The following TSHZ2 variants were observed in gnomAD, a reference collection of about 807,000 sequenced individuals.
The protein encoded by TSHZ2 is teashirt homolog 2.
In TSHZ2, 21 loss-of-function variants were observed where a neutral mutation model predicts 74.4. The observed-to-expected ratio is 0.28, with a 90% CI of 0.20 to 0.41. The LOEUF (loss-of-function observed/expected upper bound fraction) is 0.41, where lower values mean the gene tolerates loss of function less well. Ranked by LOEUF, TSHZ2 falls within the 10% of genes least tolerant of loss-of-function variation. The pLI, the probability that TSHZ2 is intolerant of heterozygous loss-of-function variation, is 1.00. For missense variants in TSHZ2, 1,244 were observed against 1,293.5 expected (o/e 0.96, Z 0.59); for synonymous variants, 540 against 515.3 (o/e 1.05, Z -0.65).
chr20:53,101,135 G>A (rs1478727920), intron 1 of TSHZ2, among the ~76,000 whole-genome samples: 3 of 152,016 alleles, frequency 2.0e-5, no homozygotes, highest in African/African-American at 7.2e-5. Context: ...GGACATCTGT[G>A]GTCTCTGCTT....
intron 2 of TSHZ2, among the ~76,000 whole-genome samples, chr20:53,269,355 G>T (rs1990782681): frequency 6.6e-6 from 1 of 152,118 alleles, no homozygotes; most frequent in Admixed American, 6.5e-5. Flanking sequence ...GCTCTGGGAG[G>T]GGTGGGGGGG....
chr20:53,007,871 T>TA (rs1328668013), intron 1 of TSHZ2, among the ~76,000 whole-genome samples: 1 of 152,080 alleles, frequency 6.6e-6, no homozygotes, highest in Non-Finnish European at 1.5e-5. Flanking sequence ...TAAAATAATT[T>TA]AAAAAATAAT....
At chr20:53,376,934 A>T (rs1365709463) in intron 2 of TSHZ2, among the ~76,000 whole-genome samples, 2 of 152,268 alleles carry the variant, frequency 1.3e-5, no homozygotes, top group African/African-American at 4.8e-5. Context: ...GCCTAGGCCA[A>T]ATTCAAAAAG....
intron 2 of TSHZ2, among the ~76,000 whole-genome samples, chr20:53,479,142 G>A (rs1486025952): frequency 3.3e-5 from 5 of 150,572 alleles, no homozygotes; most frequent in African/African-American, 7.4e-5. Context: ...TCCAGCCTGG[G>A]CAACAGGGCA....
intron 1 of TSHZ2, among the ~76,000 whole-genome samples, chr20:52,996,877 G>A (rs1028829697): frequency 6.6e-6 from 1 of 152,242 alleles, no homozygotes; most frequent in Admixed American, 6.5e-5. Flanking sequence ...AATACTCTGT[G>A]GAAAACATTC....
intron 2 of TSHZ2, among the ~76,000 whole-genome samples, chr20:53,292,447 A>ATTTTTT (rs149635565): frequency 1.4e-5 from 2 of 141,424 alleles, no homozygotes; most frequent in African/African-American, 5.1e-5. Flanking sequence ...CAAACCACCT[A>ATTTTTT]TTTTTTTTTT....
At position 53,073,608 on chromosome 20, in the gene TSHZ2, A is replaced by C. The variant is rs182313563; in HGVS notation, c.40+100275A>C. 7.3e-3 allele frequency among the ~76,000 whole-genome samples: 1,113 copies of C among 152,350 alleles called. 5 individuals carry two copies. Among genetic ancestry groups the C allele is most frequent in the Non-Finnish European group, 0.012 (786 of 68,034 alleles). On this transcript the variant is annotated intron_variant, in intron 1 of 2. Coordinates refer to ENST00000371497, the MANE Select transcript of TSHZ2 (RefSeq NM_173485.6). ...TCTCTATTACTTAAATACAGTAAGT[A>C]TGAGTCATTTTAACAATGAAATTAT... is the stretch of plus-strand genomic sequence containing the variant.
intron 1 of TSHZ2, among the ~76,000 whole-genome samples, chr20:53,063,721 C>A (rs1386117110): frequency 4.6e-5 from 7 of 152,310 alleles, no homozygotes; most frequent in African/African-American, 1.7e-4. Flanking sequence ...TCAACTTGAG[C>A]ACAAAATCAC....
At chr20:53,485,084 A>G (rs1287828138) in intron 2 of TSHZ2, among the ~76,000 whole-genome samples, 2 of 152,254 alleles carry the variant, frequency 1.3e-5, no homozygotes, top group Non-Finnish European at 2.9e-5. Flanking sequence ...GTTCTTGGAA[A>G]GAAAAATCAC....
intron 2 of TSHZ2, among the ~76,000 whole-genome samples, chr20:53,358,069 C>T (rs915348989): frequency 5.3e-5 from 8 of 152,044 alleles, no homozygotes; most frequent in African/African-American, 1.9e-4. Flanking sequence ...CATGGACGAC[C>T]GCAAACTCAA....
chr20:53,055,398 A>G (rs1007695184), intron 1 of TSHZ2, among the ~76,000 whole-genome samples: 1 of 152,226 alleles, frequency 6.6e-6, no homozygotes, highest in Admixed American at 6.5e-5. Flanking sequence ...TTTTGAAAAC[A>G]ATTCACTAAA....
chr20:53,315,333 T>C (rs1978960170), intron 2 of TSHZ2, among the ~76,000 whole-genome samples: 2 of 152,256 alleles, frequency 1.3e-5, no homozygotes, highest in Admixed American at 1.3e-4. Context: ...CACTTTTAAT[T>C]GGATCCTTCT....
chr20:53,269,023 G>T (rs868619545), intron 2 of TSHZ2, among the ~76,000 whole-genome samples: 1 of 152,022 alleles, frequency 6.6e-6, no homozygotes, highest in Non-Finnish European at 1.5e-5. Flanking sequence ...AATAATATAG[G>T]TTCAGATTGA....
At chr20:53,424,720 T>C (rs1983599224) in intron 2 of TSHZ2, among the ~76,000 whole-genome samples, 1 of 152,176 alleles carries the variant, frequency 6.6e-6, no homozygotes, top group African/African-American at 2.4e-5. Context: ...GCTCTTCCTC[T>C]CCCAGCCAGG....
intron 2 of TSHZ2, among the ~76,000 whole-genome samples, chr20:53,358,033 G>A (rs1402830655): frequency 1.3e-5 from 2 of 152,150 alleles, no homozygotes; most frequent in Non-Finnish European, 2.9e-5. Context: ...AAAGAACCAG[G>A]GAGAGATGGT....
chr20:53,181,102 C>A (rs571280835), intron 1 of TSHZ2, among the ~76,000 whole-genome samples: 2 of 152,172 alleles, frequency 1.3e-5, no homozygotes, highest in Non-Finnish European at 2.9e-5. Flanking sequence ...AGTGTTTTTG[C>A]AGTTAAGTTT....
intron 1 of TSHZ2, among the ~76,000 whole-genome samples, chr20:53,036,300 A>G (rs1482911874): frequency 6.6e-6 from 1 of 152,160 alleles, no homozygotes; most frequent in African/African-American, 2.4e-5. Flanking sequence ...TGCTTTGTGC[A>G]AGACACTGTG....
chr20:52,990,584 G>A (rs1049648944), intron 1 of TSHZ2, among the ~76,000 whole-genome samples: 3 of 152,180 alleles, frequency 2.0e-5, no homozygotes, highest in African/African-American at 7.2e-5. Flanking sequence ...TAGAGATGCC[G>A]AGCTCCTGGA....
At chr20:53,095,360 T>C (rs1986006470) in intron 1 of TSHZ2, among the ~76,000 whole-genome samples, 1 of 152,158 alleles carries the variant, frequency 6.6e-6, no homozygotes. Context: ...AAATTGGGTG[T>C]GCTTGTGCCA....
Sources: allele counts gnomAD v4.1 joint callset (sites outside exome capture counted in the v4.1 genomes callset), GRCh38; gene constraint gnomAD v4.1.1; transcripts MANE v1.5; gene names NCBI Gene and HGNC (gene_info 2026-07-23, HGNC 2026-07-21).